BMAL2: variants seen among roughly 807,000 people sequenced by gnomAD.
BMAL2 encodes the protein basic helix-loop-helix ARNT-like protein 2.
the BMAL2 span, among the ~76,000 whole-genome samples, chr12:27,336,947 CAAAAA>C: frequency 0.064 from 4,728 of 73,812 alleles, 253 homozygotes; most frequent in East Asian, 0.42. Flanking sequence ...GAGACTGTCT[CAAAAA>C]AAAAAAAAAA....
At chr12:27,409,752 A>T in the BMAL2 span, among the ~76,000 whole-genome samples, 3 of 151,808 alleles carry the variant, frequency 2.0e-5, no homozygotes, top group Non-Finnish European at 4.4e-5. Context: ...ATGGGATCTA[A>T]TTAAACTAAA....
At chr12:27,387,135 TA>T in the BMAL2 span, 6 of 824,292 alleles carry the variant, frequency 7.3e-6, no homozygotes, top group Non-Finnish European at 1.2e-5. Context: ...ATTGCCACAG[TA>T]ATTTCCTCAG....
At chr12:27,364,987 G>A in the BMAL2 span, among the ~76,000 whole-genome samples, 1 of 151,982 alleles carries the variant, frequency 6.6e-6, no homozygotes, top group Non-Finnish European at 1.5e-5. Flanking sequence ...TTTATATACA[G>A]CCAACTTGCT....
the BMAL2 span, among the ~76,000 whole-genome samples, chr12:27,370,549 T>C: frequency 6.6e-6 from 1 of 152,172 alleles, no homozygotes; most frequent in South Asian, 2.1e-4. Context: ...TATATGAGAA[T>C]GTCCACCCTT....
the BMAL2 span, among the ~76,000 whole-genome samples, chr12:27,340,879 G>A: frequency 6.6e-6 from 1 of 152,138 alleles, no homozygotes; most frequent in Admixed American, 6.5e-5. Context: ...GTTAAGAATG[G>A]GACTGCATGC....
the BMAL2 span, among the ~76,000 whole-genome samples, chr12:27,353,017 A>G: frequency 6.6e-6 from 1 of 152,218 alleles, no homozygotes; most frequent in South Asian, 2.1e-4. Context: ...AGTGGTTTAC[A>G]GATTCAGTGC....
the BMAL2 span, among the ~76,000 whole-genome samples, chr12:27,353,574 G>A: frequency 7.2e-5 from 11 of 151,958 alleles, no homozygotes; most frequent in African/African-American, 2.7e-4. Context: ...AAATAGATAA[G>A]TGGGACCTAA....
At chr12:27,338,899 A>G in the BMAL2 span, among the ~76,000 whole-genome samples, 1 of 152,164 alleles carries the variant, frequency 6.6e-6, no homozygotes, top group African/African-American at 2.4e-5. Flanking sequence ...ACTCCAAGTT[A>G]TCTGGGCCCC....
chr12:27,364,698 T>C, the BMAL2 span, among the ~76,000 whole-genome samples: 1 of 152,188 alleles, frequency 6.6e-6, no homozygotes, highest in Non-Finnish European at 1.5e-5. Flanking sequence ...CAAAAAATTA[T>C]GTATTTTGAG....
chr12:27,420,019 G>GCGCACACACACA, the BMAL2 span, among the ~76,000 whole-genome samples: 8 of 147,570 alleles, frequency 5.4e-5, no homozygotes, highest in African/African-American at 1.3e-4. Context: ...GTTTGCGCGT[G>GCGCACACACACA]CACACACACA....
the BMAL2 span, chr12:27,401,386 A>G: frequency 2.9e-4 from 455 of 1,586,834 alleles, no homozygotes; most frequent in Non-Finnish European, 3.2e-4. Flanking sequence ...TGAGCAGAAT[A>G]CATTTTGGGG....
At chr12:27,402,013 C>T in the BMAL2 span, among the ~76,000 whole-genome samples, 14 of 152,108 alleles carry the variant, frequency 9.2e-5, no homozygotes, top group Non-Finnish European at 2.1e-4. Context: ...TTGTTTTGTC[C>T]TCCCTGTCAT....
the BMAL2 span, among the ~76,000 whole-genome samples, chr12:27,396,037 C>T: frequency 6.6e-6 from 1 of 152,130 alleles, no homozygotes; most frequent in Non-Finnish European, 1.5e-5. Context: ...AAGCGCTAGG[C>T]CCCAGTGTGA....
chr12:27,417,271 C>T, the BMAL2 span, among the ~76,000 whole-genome samples: 1 of 152,294 alleles, frequency 6.6e-6, no homozygotes, highest in South Asian at 2.1e-4. Context: ...TTTTCAGTAA[C>T]AGCATTTGGT....
the BMAL2 span, chr12:27,401,762 CTG>C: frequency 3.2e-5 from 30 of 928,612 alleles, no homozygotes; most frequent in East Asian, 7.1e-4. Context: ...ACCATTAAAA[CTG>C]TGTGATCCTC....
the BMAL2 span, chr12:27,333,091 G>T: frequency 5.0e-6 from 6 of 1,206,002 alleles, no homozygotes; most frequent in Non-Finnish European, 6.2e-6. Context: ...GGAAGAGGAG[G>T]CTGCGGCGGG....
At chr12:27,365,057 C>A in the BMAL2 span, among the ~76,000 whole-genome samples, 2 of 152,010 alleles carry the variant, frequency 1.3e-5, no homozygotes, top group African/African-American at 4.8e-5. Context: ...TGTAGTCAAT[C>A]ATATCATTTC....
At chr12:27,382,849 C>T in the BMAL2 span, among the ~76,000 whole-genome samples, 1 of 152,162 alleles carries the variant, frequency 6.6e-6, no homozygotes, top group African/African-American at 2.4e-5. Flanking sequence ...GGATGAAGAA[C>T]AGGTGTTCCC....
At chr12:27,344,101 T>C in the BMAL2 span, among the ~76,000 whole-genome samples, 1 of 152,244 alleles carries the variant, frequency 6.6e-6, no homozygotes, top group Non-Finnish European at 1.5e-5. Context: ...TGTTAATCCA[T>C]GTTTCAGATG....
Sources: allele counts gnomAD v4.1 joint callset (sites outside exome capture counted in the v4.1 genomes callset), GRCh38; gene constraint gnomAD v4.1.1; transcripts MANE v1.5; gene names NCBI Gene and HGNC (gene_info 2026-07-23, HGNC 2026-07-21).